SLC4A10: variants seen among roughly 807,000 people sequenced by gnomAD.
SLC4A10 encodes the protein solute carrier family 4 member 10.
Under a neutral mutation model 137.7 loss-of-function variants are expected in SLC4A10, and 42 were observed. The ratio of observed to expected loss-of-function variants is 0.30; its 90% CI spans 0.24 to 0.39. SLC4A10 has a LOEUF of 0.39. SLC4A10 is among the 10% of genes least tolerant of loss of function. The probability of loss-of-function intolerance (pLI) is 1.00; values close to 1 mark genes in which losing one functional copy is unlikely to be tolerated. For synonymous variants in SLC4A10, 474 were observed against 464.1 expected (o/e 1.02, Z -0.27); for missense variants, 925 against 1,355.0 (o/e 0.68, Z 4.98).
chr2:161,816,526 C>T (rs61692975), intron 3 of SLC4A10, among the ~76,000 whole-genome samples: 10,051 of 151,852 alleles, frequency 0.066, 438 homozygotes, highest in East Asian at 0.15. Context: ...ATGTGGACAA[C>T]GTGCAGGTTT....
Position 161,725,343 on chromosome 2 carries a change from C to G in SLC4A10, c.49-45630C>G, listed in dbSNP as rs557141809. Among the ~76,000 whole-genome samples, 5 of 152,246 alleles carry G rather than the reference C, an allele frequency of 3.3e-5. No homozygotes were observed. The East Asian group carries it at 9.6e-4, about 29-fold the overall frequency. On this transcript the variant is annotated intron_variant, in intron 1 of 26. Coordinates refer to ENST00000446997, the MANE Select transcript of SLC4A10 (RefSeq NM_001178015.2). The stretch of plus-strand genomic sequence containing the variant: ...TCACCTCTTTAAGTCTCAGAATACT[C>G]ATCTGTTTTAAAGATTTTTAAGGAG...
chr2:161,836,530 G>GAGAAAGAAAGAA (rs71009343), intron 3 of SLC4A10, among the ~76,000 whole-genome samples: 2 of 79,220 alleles, frequency 2.5e-5, no homozygotes, highest in Non-Finnish European at 4.8e-5. Flanking sequence ...GAGAGAGAGA[G>GAGAAAGAAAGAA]AGAAAGAAAG....
intron 23 of SLC4A10, among the ~76,000 whole-genome samples, chr2:161,968,813 A>G (rs1044012159): frequency 1.3e-5 from 2 of 152,222 alleles, no homozygotes; most frequent in Admixed American, 1.3e-4. Flanking sequence ...TATGGTCACT[A>G]AAGACATTAG....
chr2:161,824,217 G>A (rs994107909), intron 3 of SLC4A10, among the ~76,000 whole-genome samples: 2 of 152,160 alleles, frequency 1.3e-5, no homozygotes, highest in African/African-American at 4.8e-5. Context: ...ATCAGGTTTT[G>A]TAAGGACCTT....
intron 2 of SLC4A10, among the ~76,000 whole-genome samples, chr2:161,785,412 C>A (rs553943680): frequency 6.6e-6 from 1 of 151,452 alleles, no homozygotes; most frequent in Admixed American, 6.6e-5. Flanking sequence ...AAAGACACTG[C>A]AAGATAAGAA....
In SLC4A10 at chr2:161,905,833, G is replaced by A; in HGVS notation, c.1943G>A (p.Ser648Asn). The A allele has an allele frequency of 6.2e-7, 1 of 1,613,964 alleles. No individual in the cohort carries two copies. The change falls in exon 15 of 27, where the codon AGT becomes AAT. Residue 648 changes from serine to asparagine, a missense_variant. By Grantham distance (46) the Ser-to-Asn change is conservative. This residue lies in a region of SLC4A10 where 91 missense variants were observed against 95.6 expected (regional missense o/e 0.95). Transcript: ENST00000446997. ...YEALEKLFEL[S>N]EAYPINMHND... ...GCCCTGGAGAAGTTGTTTGAACTCA[G>A]TGAAGCATATCCAATCAACATGCAT...
chr2:161,640,856 C>CA (rs1232115882), intron 1 of SLC4A10, among the ~76,000 whole-genome samples: 11 of 151,984 alleles, frequency 7.2e-5, no homozygotes, highest in African/African-American at 2.7e-4. Context: ...AATCACAGCT[C>CA]AAATGAAACA....
chr2:161,809,598 T>C (rs991736980), intron 3 of SLC4A10, among the ~76,000 whole-genome samples: 2 of 152,072 alleles, frequency 1.3e-5, no homozygotes, highest in Admixed American at 6.6e-5. Context: ...GCATATGGCT[T>C]GACAGTTATC....
chr2:161,778,312 T>G (rs536214825), intron 2 of SLC4A10, among the ~76,000 whole-genome samples: 1 of 152,090 alleles, frequency 6.6e-6, no homozygotes, highest in East Asian at 1.9e-4. Context: ...ATAATAATAA[T>G]TATCTTTCTC....
chr2:161,758,891 G>C (rs1187594492), intron 1 of SLC4A10, among the ~76,000 whole-genome samples: 1 of 151,846 alleles, frequency 6.6e-6, no homozygotes, highest in African/African-American at 2.4e-5. Context: ...AGCAAAGATA[G>C]GTACTTGAAT....
intron 1 of SLC4A10, among the ~76,000 whole-genome samples, chr2:161,753,676 C>T (rs534860979): frequency 1.3e-5 from 2 of 151,944 alleles, no homozygotes; most frequent in South Asian, 2.1e-4. Context: ...AAAGAGTGAC[C>T]GATGAAGAAA....
intron 3 of SLC4A10, among the ~76,000 whole-genome samples, chr2:161,831,036 C>G (rs1191772542): frequency 6.6e-6 from 1 of 151,980 alleles, no homozygotes; most frequent in African/African-American, 2.4e-5. Context: ...TCTAAGACAG[C>G]TACAAGATTC....
intron 3 of SLC4A10, among the ~76,000 whole-genome samples, chr2:161,812,997 T>A (rs1048707362): frequency 9.9e-5 from 15 of 152,254 alleles, no homozygotes; most frequent in Non-Finnish European, 1.5e-5. Flanking sequence ...AATTTCTTTC[T>A]TATTTCATCC....
At chr2:161,671,470 T>G (rs1031836304) in intron 1 of SLC4A10, among the ~76,000 whole-genome samples, 3 of 152,164 alleles carry the variant, frequency 2.0e-5, no homozygotes, top group African/African-American at 7.2e-5. Flanking sequence ...AGCAATTCTT[T>G]TATCTTTCTT....
intron 11 of SLC4A10, among the ~76,000 whole-genome samples, chr2:161,896,551 A>T (rs1239387996): frequency 6.6e-6 from 1 of 151,874 alleles, no homozygotes; most frequent in Non-Finnish European, 1.5e-5. Flanking sequence ...CCATGAGAGA[A>T]TAAAATACCT....
chr2:161,874,744 A>T (rs539511124), intron 8 of SLC4A10, among the ~76,000 whole-genome samples: 1 of 152,362 alleles, frequency 6.6e-6, no homozygotes, highest in African/African-American at 2.4e-5. Context: ...TTTGAGAAAC[A>T]GCATGAGATC....
chr2:161,938,855 T>C (rs1340756855), intron 15 of SLC4A10, among the ~76,000 whole-genome samples: 1 of 151,870 alleles, frequency 6.6e-6, no homozygotes, highest in Non-Finnish European at 1.5e-5. Flanking sequence ...AAATAGTCCA[T>C]ACATATCCTA....
chr2:161,910,728 A>C (rs1252708103), intron 15 of SLC4A10, among the ~76,000 whole-genome samples: 1 of 151,880 alleles, frequency 6.6e-6, no homozygotes, highest in Non-Finnish European at 1.5e-5. Flanking sequence ...AAATTTTTTT[A>C]TTTTCTTTTT....
chr2:161,771,001 G>T lies in SLC4A10; in HGVS notation c.77G>T (p.Arg26Ile), dbSNP rs756214742. Residue 26 changes from arginine to isoleucine, a missense_variant, in exon 2 of 27, where the codon AGA (arginine) becomes ATA (isoleucine). Around this residue, in one of 11 missense-constraint regions of SLC4A10, gnomAD observed 138 missense variants for 171.3 expected, o/e 0.81. Transcript: ENST00000446997. ...TRNDEEAVVD[R>I]GGTRSILKTH... ...AATGATGAAGAAGCAGTTGTGGATA[G>T]AGGTGGAACTCGTTCTATTCTCAAA... 27 of 1,606,536 alleles carry T rather than the reference G, an allele frequency of 1.7e-5. No homozygotes were observed. The highest frequency in any genetic ancestry group is 2.3e-5 in the Non-Finnish European group (27 of 1,176,026).
Sources: allele counts gnomAD v4.1 joint callset (sites outside exome capture counted in the v4.1 genomes callset), GRCh38; gene constraint gnomAD v4.1.1; regional missense constraint gnomAD v4.1.1; transcripts MANE v1.5; gene names NCBI Gene and HGNC (gene_info 2026-07-23, HGNC 2026-07-21).